Variants in MDGA2 observed in about 807,000 individuals in gnomAD.
MDGA2 encodes the protein MAM domain containing glycosylphosphatidylinositol anchor 2.
Under a neutral mutation model 117.8 loss-of-function variants are expected in MDGA2, and 40 were observed. The ratio of observed to expected loss-of-function variants is 0.34; its 90% confidence interval spans 0.26 to 0.44. The LOEUF is 0.44. Among genes scored for constraint, MDGA2 ranks in the 20% least tolerant of loss-of-function variants. MDGA2 has a pLI of 1.00. For synonymous variants in MDGA2, 452 were observed against 439.0 expected (o/e 1.03, Z -0.37); for missense variants, 1,123 against 1,250.6 (o/e 0.90, Z 1.54).
chr14:47,282,717 A>C (rs867749212), intron 2 of MDGA2, among the ~76,000 whole-genome samples: 10,195 of 147,658 alleles, frequency 0.069, 483 homozygotes, highest in Non-Finnish European at 0.097. Context: ...ACAAAAAACA[A>C]AAAACAAAAA....
intron 8 of MDGA2, among the ~76,000 whole-genome samples, chr14:46,972,590 C>T (rs1886311589): frequency 6.6e-6 from 1 of 152,080 alleles, no homozygotes; most frequent in Non-Finnish European, 1.5e-5. Context: ...GTTACATTTT[C>T]AAGCAACCCA....
At chr14:47,341,621 C>G (rs1566746379) in intron 1 of MDGA2, among the ~76,000 whole-genome samples, 1 of 152,110 alleles carries the variant, frequency 6.6e-6, no homozygotes, top group African/African-American at 2.4e-5. Context: ...TAAGACAAAT[C>G]CATTTTAAAA....
At chr14:47,202,066 T>C (rs1885527187) in intron 3 of MDGA2, among the ~76,000 whole-genome samples, 1 of 152,212 alleles carries the variant, frequency 6.6e-6, no homozygotes, top group African/African-American at 2.4e-5. Flanking sequence ...CATATCCCAC[T>C]GCCTCTTCCT....
chr14:46,921,449 GA>G (rs71448144), intron 9 of MDGA2, among the ~76,000 whole-genome samples: 29 of 141,390 alleles, frequency 2.1e-4, no homozygotes, highest in East Asian at 1.1e-3. Flanking sequence ...ACCAGAAAAA[GA>G]AAAAAAAAAA....
chr14:47,430,353 A>G (rs1421058016), intron 1 of MDGA2, among the ~76,000 whole-genome samples: 1 of 152,074 alleles, frequency 6.6e-6, no homozygotes, highest in Non-Finnish European at 1.5e-5. Flanking sequence ...AATTGAGTAG[A>G]TAGTGGTGCC....
At chr14:47,574,161 C>A (rs1035800599) in intron 1 of MDGA2, among the ~76,000 whole-genome samples, 1 of 152,100 alleles carries the variant, frequency 6.6e-6, no homozygotes, top group Non-Finnish European at 1.5e-5. Flanking sequence ...AGGAAGAGAG[C>A]AGATTAAACC....
intron 8 of MDGA2, among the ~76,000 whole-genome samples, chr14:46,969,449 G>C (rs1886171231): frequency 1.3e-5 from 2 of 152,160 alleles, no homozygotes; most frequent in South Asian, 2.1e-4. Context: ...ATGCTAACTG[G>C]TGTGAGATGA....
intron 3 of MDGA2, among the ~76,000 whole-genome samples, chr14:47,209,670 A>G (rs1169294811): frequency 1.3e-5 from 2 of 152,182 alleles, no homozygotes; most frequent in Non-Finnish European, 2.9e-5. Flanking sequence ...TAGGAACTCT[A>G]ATACTATTTG....
chr14:46,868,337 T>G (rs933000500), intron 14 of MDGA2, among the ~76,000 whole-genome samples: 1 of 151,990 alleles, frequency 6.6e-6, no homozygotes, highest in African/African-American at 2.4e-5. Context: ...ATTTATTAAT[T>G]TTTTTGGGGG....
At chr14:46,852,516 G>C (rs1881100444) in intron 15 of MDGA2, among the ~76,000 whole-genome samples, 3 of 151,806 alleles carry the variant, frequency 2.0e-5, no homozygotes, top group Admixed American at 6.6e-5. Flanking sequence ...AAGAGAGAGA[G>C]AAATAGAGCA....
intron 1 of MDGA2, among the ~76,000 whole-genome samples, chr14:47,621,290 C>T (rs1045356462): frequency 6.6e-6 from 1 of 152,086 alleles, no homozygotes; most frequent in Non-Finnish European, 1.5e-5. Flanking sequence ...TGCCACTTTT[C>T]TTAATACTCA....
intron 8 of MDGA2, among the ~76,000 whole-genome samples, chr14:46,985,570 A>T (rs1176092302): frequency 1.3e-5 from 2 of 152,068 alleles, no homozygotes; most frequent in Non-Finnish European, 2.9e-5. Context: ...AAAAGATATT[A>T]CGTACTTAAA....
intron 6 of MDGA2, among the ~76,000 whole-genome samples, chr14:47,096,071 T>C (rs1025721642): frequency 6.6e-6 from 1 of 151,956 alleles, no homozygotes; most frequent in African/African-American, 2.4e-5. Context: ...AAAACATGCC[T>C]AAATGGTGCC....
chr14:47,260,621 C>A (rs1887764696), intron 2 of MDGA2, among the ~76,000 whole-genome samples: 1 of 152,008 alleles, frequency 6.6e-6, no homozygotes, highest in Non-Finnish European at 1.5e-5. Flanking sequence ...GCATAGACAA[C>A]AACCACAGTG....
intron 1 of MDGA2, among the ~76,000 whole-genome samples, chr14:47,388,012 G>A (rs1019573778): frequency 6.6e-6 from 1 of 152,162 alleles, no homozygotes; most frequent in African/African-American, 2.4e-5. Context: ...TGATCCTAAT[G>A]TATGGTTACT....
At chr14:47,522,393 A>G (rs1164257971) in intron 1 of MDGA2, among the ~76,000 whole-genome samples, 2 of 152,062 alleles carry the variant, frequency 1.3e-5, no homozygotes, top group Non-Finnish European at 2.9e-5. Context: ...ACACAATTAA[A>G]TATCAGTAGA....
chr14:47,277,072 C>G (rs1301257734), intron 2 of MDGA2, among the ~76,000 whole-genome samples: 1 of 152,110 alleles, frequency 6.6e-6, no homozygotes, highest in Non-Finnish European at 1.5e-5. Flanking sequence ...GACAGCGAAG[C>G]TCTGAGCCAT....
At chr14:47,418,507 A>G (rs1007555445) in intron 1 of MDGA2, among the ~76,000 whole-genome samples, 1 of 152,176 alleles carries the variant, frequency 6.6e-6, no homozygotes, top group East Asian at 1.9e-4. Context: ...GTCCTCACTT[A>G]GTGGAAGTAG....
At chr14:47,373,240 G>A (rs933673868) in intron 1 of MDGA2, among the ~76,000 whole-genome samples, 26 of 151,916 alleles carry the variant, frequency 1.7e-4, no homozygotes, top group Admixed American at 1.6e-3. Context: ...AATTAGCTTT[G>A]GGAAAAATTG....
Sources: gnomAD v4.1 joint callset for allele counts (sites outside exome capture counted in the v4.1 genomes callset) on GRCh38, gnomAD v4.1.1 for gene constraint, MANE v1.5 for transcripts, NCBI Gene and HGNC (gene_info 2026-07-23, HGNC 2026-07-21) for gene names.